The following LINC00632 variants were observed in gnomAD, a reference collection of about 807,000 sequenced individuals.
The protein encoded by LINC00632 is long independently transcribed non-coding RNA 632.
Position 140,769,462 on chromosome X carries a change from G to T in LINC00632, n.192-2616G>T, listed in dbSNP as rs762138881. Reference sequence around the variant, plus strand: ...TTTCCATAGCATCTAATAAAATTCGGTTTTTTCTCCACCCCACCCCCCCCA... The same window carrying T: ...TTTCCATAGCATCTAATAAAATTCGTTTTTTTCTCCACCCCACCCCCCCCA... On this transcript the variant is annotated intron_variant and non_coding_transcript_variant, in intron 3 of 4. Transcript: ENST00000648200. Among the ~76,000 whole-genome samples the T allele has an allele frequency of 7.1e-4, 78 of 109,600 alleles. 1 individual carries two copies. The highest frequency in any genetic ancestry group is 2.5e-3 in the African/African-American group (75 of 29,924).
intron 3 of LINC00632, among the ~76,000 whole-genome samples, chrX:140,736,048 A>G (rs1397871680): frequency 8.9e-6 from 1 of 111,871 alleles, no homozygotes; most frequent in East Asian, 2.8e-4. Context: ...ATATTAATAT[A>G]CGTTTTGAGG....
intron 3 of LINC00632, among the ~76,000 whole-genome samples, chrX:140,748,582 CTA>C (rs1931362679): frequency 9.0e-6 from 1 of 110,635 alleles, no homozygotes; most frequent in African/African-American, 3.3e-5. Context: ...TACCCCATTG[CTA>C]TCTACCATCA....
chrX:140,721,581 C>T (rs774716409), intron 2 of LINC00632, among the ~76,000 whole-genome samples: 1 of 110,785 alleles, frequency 9.0e-6, no homozygotes, highest in East Asian at 2.9e-4. Context: ...GTAATGCTTG[C>T]TCACTCACTG....
intron 1 of LINC00632, among the ~76,000 whole-genome samples, chrX:140,710,170 A>G (rs940526502): frequency 4.4e-5 from 5 of 112,512 alleles, no homozygotes; most frequent in African/African-American, 1.3e-4. Flanking sequence ...TTATGATTCA[A>G]GATGTTCTCA....
intron 3 of LINC00632, among the ~76,000 whole-genome samples, chrX:140,766,575 A>C (rs1320699168): frequency 8.9e-6 from 1 of 112,326 alleles, no homozygotes; most frequent in African/African-American, 3.2e-5. Context: ...TTGTGAATTT[A>C]TATTACTCAT....
intron 2 of LINC00632, among the ~76,000 whole-genome samples, chrX:140,717,976 A>G (rs937591501): frequency 9.1e-6 from 1 of 109,725 alleles, no homozygotes; most frequent in African/African-American, 3.3e-5. Context: ...ATCTTTACTA[A>G]AAATACAAAA....
intron 3 of LINC00632, among the ~76,000 whole-genome samples, chrX:140,756,322 G>C (rs1316323590): frequency 8.9e-6 from 1 of 112,423 alleles, no homozygotes; most frequent in Non-Finnish European, 1.9e-5. Flanking sequence ...CTTGTACTTA[G>C]GTAGTTGTGG....
At chrX:140,738,972 A>C (rs2148388089) in intron 3 of LINC00632, among the ~76,000 whole-genome samples, 1 of 111,846 alleles carries the variant, frequency 8.9e-6, no homozygotes, top group African/African-American at 3.2e-5. Flanking sequence ...TTCTGATGTA[A>C]CGTGTGCCTT....
At chrX:140,755,145 G>C (rs1324623460) in intron 3 of LINC00632, among the ~76,000 whole-genome samples, 2 of 112,075 alleles carry the variant, frequency 1.8e-5, no homozygotes, top group Non-Finnish European at 3.8e-5. Context: ...TCTGATCCTG[G>C]TAAGTCACAG....
At chrX:140,740,546 T>G (rs114861229) in intron 3 of LINC00632, among the ~76,000 whole-genome samples, 198 of 105,314 alleles carry the variant, frequency 1.9e-3, no homozygotes, top group African/African-American at 6.5e-3. Flanking sequence ...AAAGTGAATG[T>G]TTTTTTTTTG....
intron 3 of LINC00632, among the ~76,000 whole-genome samples, chrX:140,735,295 G>C (rs948094683): frequency 9.0e-6 from 1 of 111,038 alleles, no homozygotes; most frequent in African/African-American, 3.3e-5. Context: ...ATGTTTAACA[G>C]ACAACTTGAT....
intron 2 of LINC00632, among the ~76,000 whole-genome samples, chrX:140,729,188 G>T: frequency 9.1e-6 from 1 of 110,385 alleles, no homozygotes; most frequent in Non-Finnish European, 1.9e-5. Context: ...CACAACCTTC[G>T]CCTGCACCCC....
At chrX:140,725,494 G>C (rs186707042) in intron 2 of LINC00632, among the ~76,000 whole-genome samples, 6,811 of 84,924 alleles carry the variant, frequency 0.08, 243 homozygotes, top group Non-Finnish European at 0.12. Flanking sequence ...TACACACACA[G>C]ACACATTCCA....
intron 3 of LINC00632, among the ~76,000 whole-genome samples, chrX:140,753,598 TTTTATC>T (rs1222135112): frequency 1.8e-5 from 2 of 110,471 alleles, no homozygotes; most frequent in Non-Finnish European, 3.8e-5. Context: ...TCCCGTTATT[TTTTATC>T]TTTATTATAT....
chrX:140,752,312 C>T (rs1931422174), intron 3 of LINC00632, among the ~76,000 whole-genome samples: 1 of 111,807 alleles, frequency 8.9e-6, no homozygotes, highest in African/African-American at 3.2e-5. Context: ...GGGAACAAAG[C>T]CCCTAGATGT....
chrX:140,772,243 C>T (rs1041108705), exon 4 of LINC00632: 9 of 294,193 alleles, frequency 3.1e-5, no homozygotes, highest in Non-Finnish European at 5.3e-5. Context: ...CTGTTTCTTG[C>T]TACCTCCTGT....
At chrX:140,725,211 C>T (rs756956449) in intron 2 of LINC00632, among the ~76,000 whole-genome samples, 3 of 88,545 alleles carry the variant, frequency 3.4e-5, no homozygotes, top group South Asian at 1.1e-3. Flanking sequence ...AAACACATTC[C>T]GTACACATAC....
intron 3 of LINC00632, among the ~76,000 whole-genome samples, chrX:140,757,177 G>C (rs756154153): frequency 8.9e-6 from 1 of 111,746 alleles, no homozygotes; most frequent in Non-Finnish European, 1.9e-5. Flanking sequence ...TGATCCATTG[G>C]AACTCAGCCT....
rs1206011389 is a variant in LINC00632 at position 140,734,713 on chromosome X, G to C, written n.191+749G>C. Among the ~76,000 whole-genome samples the C allele has an allele frequency of 3.7e-5, 4 of 108,248 alleles. No individual in the cohort carries two copies. In the Admixed American group the frequency reaches 4.0e-4, roughly 11 times the overall value. 94.0% of individuals were successfully genotyped at this position (108,248 alleles called of 115,157 possible). On this transcript the variant is annotated intron_variant and non_coding_transcript_variant, in intron 3 of 4. Transcript: ENST00000648200. ...GAAGAACTTAAAATATTACACATTT[G>C]GTAAGTAATCAGTAAAATGAAAAGT...
Sources: allele counts gnomAD v4.1 joint callset (sites outside exome capture counted in the v4.1 genomes callset), GRCh38; gene constraint gnomAD v4.1.1; transcripts MANE v1.5; gene names NCBI Gene and HGNC (gene_info 2026-07-23, HGNC 2026-07-21).